The following SLC2A13 variants were observed in gnomAD, a reference collection of about 807,000 sequenced individuals.
SLC2A13 encodes the protein proton myo-inositol cotransporter.
SLC2A13 carries 32 observed loss-of-function variants against 64.4 expected under a neutral mutation model. The ratio of observed to expected loss-of-function variants is 0.50; its 90% CI spans 0.37 to 0.67. The LOEUF (loss-of-function observed/expected upper bound fraction) is 0.67. Among genes scored for constraint, SLC2A13 ranks in the 30% least tolerant of loss-of-function variants. SLC2A13 has a pLI of 0.00. For missense variants in SLC2A13, 743 were observed against 829.2 expected (o/e 0.90, Z 1.28); for synonymous variants, 338 against 327.1 (o/e 1.03, Z -0.36).
chr12:40,023,368 G>A (rs1400383808), intron 3 of SLC2A13, among the ~76,000 whole-genome samples: 2 of 152,272 alleles, frequency 1.3e-5, no homozygotes, highest in South Asian at 2.1e-4. Context: ...CCTGCAGCGG[G>A]GCCAGGGGGC....
At chr12:39,947,049 C>T (rs555163731) in intron 4 of SLC2A13, among the ~76,000 whole-genome samples, 80 of 152,264 alleles carry the variant, frequency 5.3e-4, no homozygotes, top group African/African-American at 1.6e-3. Context: ...TTCCTCTACC[C>T]GCTTATTTCA....
chr12:39,926,998 G>GTTGAA (rs1945742092), intron 4 of SLC2A13, among the ~76,000 whole-genome samples: 2 of 152,050 alleles, frequency 1.3e-5, no homozygotes, highest in African/African-American at 2.4e-5. Context: ...GAGAAAAGCT[G>GTTGAA]GACAATTGAT....
chr12:40,074,504 T>C (rs1938089815), intron 1 of SLC2A13, among the ~76,000 whole-genome samples: 1 of 152,134 alleles, frequency 6.6e-6, no homozygotes, highest in Non-Finnish European at 1.5e-5. Flanking sequence ...TTTTGATCTC[T>C]AGCATTTCTT....
At chr12:39,951,174 T>G in intron 4 of SLC2A13, 83 bp downstream of exon 4, 1 of 1,223,876 alleles carries the variant, frequency 8.2e-7, no homozygotes, top group Non-Finnish European at 1.2e-6. Context: ...GAGTCTAGTA[T>G]TTACATGAAA....
intron 7 of SLC2A13, among the ~76,000 whole-genome samples, chr12:39,812,892 T>C (rs1472736467): frequency 2.0e-5 from 3 of 147,708 alleles, no homozygotes; most frequent in Non-Finnish European, 4.5e-5. Flanking sequence ...TGGAGTGTAA[T>C]GGTGTGATCT....
chr12:39,874,812 G>A (rs1944142345), intron 4 of SLC2A13, among the ~76,000 whole-genome samples: 1 of 152,138 alleles, frequency 6.6e-6, no homozygotes, highest in Non-Finnish European at 1.5e-5. Context: ...TTACTCTGGT[G>A]AGAGCCAAGT....
At chr12:39,780,713 AAGG>A (rs948470175) in intron 7 of SLC2A13, among the ~76,000 whole-genome samples, 3 of 152,208 alleles carry the variant, frequency 2.0e-5, no homozygotes, top group Admixed American at 2.0e-4. Flanking sequence ...AATGTATTAC[AAGG>A]AGAACAGTCA....
At chr12:40,058,086 T>C (rs3052943) in intron 1 of SLC2A13, among the ~76,000 whole-genome samples, 402 of 151,272 alleles carry the variant, frequency 2.7e-3, no homozygotes, top group Non-Finnish European at 4.4e-3. Context: ...GATAGATAGA[T>C]AGATTGATTT....
chr12:39,876,999 T>C (rs763018848), intron 4 of SLC2A13, among the ~76,000 whole-genome samples: 1 of 152,202 alleles, frequency 6.6e-6, no homozygotes, highest in African/African-American at 2.4e-5. Context: ...CCTAGTGCTA[T>C]AAATATATAT....
intron 4 of SLC2A13, among the ~76,000 whole-genome samples, chr12:39,921,874 T>C (rs901108868): frequency 6.6e-6 from 1 of 152,090 alleles, no homozygotes; most frequent in Non-Finnish European, 1.5e-5. Context: ...GTAAACCCAC[T>C]TAATGTAAAT....
At chr12:39,879,975 G>C (rs150651485) in intron 4 of SLC2A13, among the ~76,000 whole-genome samples, 1 of 152,208 alleles carries the variant, frequency 6.6e-6, no homozygotes, top group Non-Finnish European at 1.5e-5. Context: ...TCATGGTTTG[G>C]TCCTGTCTTA....
At chr12:39,858,779 T>C (rs1357264136) in intron 6 of SLC2A13, among the ~76,000 whole-genome samples, 1 of 152,134 alleles carries the variant, frequency 6.6e-6, no homozygotes, top group Non-Finnish European at 1.5e-5. Flanking sequence ...GCTAATTTTT[T>C]GTATTTTTGG....
intron 1 of SLC2A13, among the ~76,000 whole-genome samples, chr12:40,083,914 A>C (rs1246164424): frequency 1.3e-5 from 2 of 152,232 alleles, no homozygotes; most frequent in African/African-American, 2.4e-5. Flanking sequence ...TCTTGGTTGT[A>C]ATCAGTGGAG....
intron 3 of SLC2A13, among the ~76,000 whole-genome samples, chr12:40,026,178 T>C (rs956004217): frequency 2.6e-5 from 4 of 152,364 alleles, no homozygotes; most frequent in Admixed American, 6.5e-5. Context: ...TTAAGCAAGA[T>C]GATATTACTT....
intron 4 of SLC2A13, among the ~76,000 whole-genome samples, chr12:39,874,204 G>A (rs1375703690): frequency 6.6e-6 from 1 of 152,214 alleles, no homozygotes; most frequent in Non-Finnish European, 1.5e-5. Flanking sequence ...CAGCAGGTCT[G>A]ACGATCTGGG....
intron 1 of SLC2A13, among the ~76,000 whole-genome samples, chr12:40,056,293 G>A (rs1565607762): frequency 6.6e-6 from 1 of 151,936 alleles, no homozygotes; most frequent in Admixed American, 6.6e-5. Flanking sequence ...GTTATAAAGA[G>A]AACAACACTG....
At chr12:39,972,079 T>TATATATATAATTTATATATATAGAATTC (rs1946669286) in intron 3 of SLC2A13, among the ~76,000 whole-genome samples, 1 of 115,106 alleles carries the variant, frequency 8.7e-6, no homozygotes, top group Non-Finnish European at 1.7e-5. Flanking sequence ...ATATAGAATT[T>TATATATATAATTTATATATATAGAATTC]ATATTTATAT....
chr12:40,097,062 C>A (rs1344972520), intron 1 of SLC2A13, among the ~76,000 whole-genome samples: 1 of 152,082 alleles, frequency 6.6e-6, no homozygotes, highest in Non-Finnish European at 1.5e-5. Flanking sequence ...TTAATTCATA[C>A]TTAAACTAAG....
intron 4 of SLC2A13, among the ~76,000 whole-genome samples, chr12:39,899,478 C>G (rs1237498509): frequency 6.6e-6 from 1 of 152,106 alleles, no homozygotes; most frequent in Non-Finnish European, 1.5e-5. Context: ...GTCTCTATTT[C>G]CTTCAGTTCT....
Sources: gnomAD v4.1 joint callset for allele counts (sites outside exome capture counted in the v4.1 genomes callset) on GRCh38, gnomAD v4.1.1 for gene constraint, MANE v1.5 for transcripts, NCBI Gene and HGNC (gene_info 2026-07-23, HGNC 2026-07-21) for gene names.